The following IMPG1 variants were observed in gnomAD, a reference collection of about 807,000 sequenced individuals.
IMPG1 encodes interphotoreceptor matrix proteoglycan 1.
A neutral mutation model predicts 92.0 loss-of-function variants in IMPG1; 85 were observed. That is an observed-to-expected ratio of 0.92 (90% CI 0.78 to 1.11). IMPG1 has a LOEUF of 1.11. Among genes scored for constraint, IMPG1 ranks in the 50% least tolerant of loss-of-function variants. The pLI is 0.00. For missense variants in IMPG1, 1,022 were observed against 956.0 expected (o/e 1.07, Z -0.91); for synonymous variants, 367 against 334.1 (o/e 1.10, Z -1.08).
chr6:76,024,950 T>G (rs1783497106), intron 5 of IMPG1: 1 of 558,304 alleles, frequency 1.8e-6, no homozygotes, highest in Non-Finnish European at 3.4e-6. Context: ...AGGCAGTAAA[T>G]GTTCATGATG....
intron 15 of IMPG1, among the ~76,000 whole-genome samples, chr6:75,924,401 ATT>A (rs1781484838): frequency 8.3e-6 from 1 of 119,800 alleles, no homozygotes; most frequent in African/African-American, 3.2e-5. Context: ...TATATAAAAA[ATT>A]ATATATAATT....
chr6:76,053,673 A>G (rs3798588), intron 1 of IMPG1, among the ~76,000 whole-genome samples: 7,611 of 152,160 alleles, frequency 0.05, 293 homozygotes, highest in Admixed American at 0.092. Context: ...CAAAATTTGT[A>G]TCATCCGATT....
At chr6:76,001,674 T>G (rs1006304403) in intron 12 of IMPG1, among the ~76,000 whole-genome samples, 5 of 152,180 alleles carry the variant, frequency 3.3e-5, no homozygotes, top group Non-Finnish European at 7.3e-5. Flanking sequence ...TGAACCGTTT[T>G]GGAAATGGAT....
chr6:75,946,146 G>T (rs745954118), intron 14 of IMPG1, among the ~76,000 whole-genome samples: 1 of 152,200 alleles, frequency 6.6e-6, no homozygotes, highest in African/African-American at 2.4e-5. Context: ...CATTTAGGAG[G>T]TGTTTGATTT....
intron 13 of IMPG1, among the ~76,000 whole-genome samples, chr6:75,948,370 C>G (rs1389727355): frequency 6.9e-6 from 1 of 145,936 alleles, no homozygotes; most frequent in Admixed American, 6.7e-5. Context: ...TGAAAGTGAG[C>G]CTCCTCATTC....
intron 7 of IMPG1, among the ~76,000 whole-genome samples, chr6:76,013,277 T>C (rs1280914865): frequency 6.6e-6 from 1 of 152,054 alleles, no homozygotes; most frequent in Non-Finnish European, 1.5e-5. Flanking sequence ...CACCCCCAGG[T>C]ACCTTACCAT....
At chr6:75,995,552 T>C (rs961781650) in intron 12 of IMPG1, among the ~76,000 whole-genome samples, 1 of 152,228 alleles carries the variant, frequency 6.6e-6, no homozygotes, top group Non-Finnish European at 1.5e-5. Flanking sequence ...GTCGTTCAGA[T>C]CTCAGTTTAA....
intron 1 of IMPG1, among the ~76,000 whole-genome samples, chr6:76,064,370 CTTT>C (rs10706748): frequency 3.6e-4 from 47 of 130,422 alleles, no homozygotes; most frequent in Non-Finnish European, 3.2e-4. Flanking sequence ...ATTTTTTTTT[CTTT>C]TTTTTTTTTT....
chr6:76,025,696 A>C (rs1253374015), intron 4 of IMPG1, among the ~76,000 whole-genome samples: 1 of 152,074 alleles, frequency 6.6e-6, no homozygotes, highest in African/African-American at 2.4e-5. Flanking sequence ...TAATAAAGTA[A>C]CTCTTGTGGT....
At chr6:76,012,915 G>A (rs916316190) in intron 7 of IMPG1, among the ~76,000 whole-genome samples, 6 of 152,044 alleles carry the variant, frequency 3.9e-5, no homozygotes, top group Non-Finnish European at 5.9e-5. Context: ...TCTAGAAAGC[G>A]CAGCATCCCT....
chr6:76,016,405 G>C (rs1009050001), intron 7 of IMPG1, among the ~76,000 whole-genome samples: 1 of 152,188 alleles, frequency 6.6e-6, no homozygotes, highest in African/African-American at 2.4e-5. Flanking sequence ...TTGCCAAAAA[G>C]AATGTTCCAA....
chr6:75,980,398 A>G (rs1364646099), intron 12 of IMPG1, among the ~76,000 whole-genome samples: 1 of 152,206 alleles, frequency 6.6e-6, no homozygotes, highest in Non-Finnish European at 1.5e-5. Context: ...ACTTGACTGG[A>G]TTGAAGGATG....
intron 12 of IMPG1, 117 bp from the exon 13 acceptor site, chr6:75,951,211 A>G: frequency 1.4e-6 from 1 of 725,426 alleles, no homozygotes; most frequent in Middle Eastern, 3.9e-4. Context: ...TGCGTAGATC[A>G]TTTCAATAGT....
At chr6:76,043,688 A>T (rs1167423263) in intron 1 of IMPG1, among the ~76,000 whole-genome samples, 2 of 152,234 alleles carry the variant, frequency 1.3e-5, no homozygotes, top group African/African-American at 2.4e-5. Flanking sequence ...ATCTACTAAC[A>T]TGCTTCCAGA....
intron 2 of IMPG1, among the ~76,000 whole-genome samples, chr6:76,036,955 A>C (rs1402621342): frequency 6.6e-6 from 1 of 152,238 alleles, no homozygotes; most frequent in Non-Finnish European, 1.5e-5. Context: ...TATAGCTAAA[A>C]ATTGTTTTAG....
Position 75,947,424 on chromosome 6 carries a change from A to C in IMPG1, c.1934T>G (p.Val645Gly). Residue 645 changes from valine to glycine, a missense_variant, in exon 14 of 17, where the codon GTG becomes GGG. Physicochemically the swap from Val to Gly is moderately radical, Grantham distance 109 (BLOSUM62 -3). Transcript: ENST00000369950. ...VNSKMKFAKS[V>G]PYNLTKAVHG... ...CACAGCCTTGGTGAGGTTATACGGC[A>C]CTGACTTAGCAAACTTCATTTTGCT... is the stretch of plus-strand genomic sequence containing the variant. 1 of 1,613,912 alleles carries C rather than the reference A, an allele frequency of 6.2e-7. No individual in the cohort carries two copies. Among genetic ancestry groups the C allele is most frequent in the Non-Finnish European group, 8.5e-7 (1 of 1,179,856 alleles).
At chr6:75,956,786 C>T (rs184905592) in intron 12 of IMPG1, among the ~76,000 whole-genome samples, 2,552 of 152,274 alleles carry the variant, frequency 0.017, 27 homozygotes, top group Non-Finnish European at 0.024. Flanking sequence ...GATTCTGGTA[C>T]ATTGTGTCTT....
At chr6:76,001,135 A>G (rs192486907) in intron 12 of IMPG1, among the ~76,000 whole-genome samples, 55 of 152,358 alleles carry the variant, frequency 3.6e-4, no homozygotes, top group Non-Finnish European at 4.3e-4. Flanking sequence ...GAGTAAAAGG[A>G]ATGTATAAAT....
chr6:76,053,865 C>G (rs1201566539), intron 1 of IMPG1, among the ~76,000 whole-genome samples: 1 of 151,998 alleles, frequency 6.6e-6, no homozygotes, highest in Non-Finnish European at 1.5e-5. Context: ...AAGACAATTG[C>G]ATATATATAG....
Sources: allele counts gnomAD v4.1 joint callset (sites outside exome capture counted in the v4.1 genomes callset), GRCh38; gene constraint gnomAD v4.1.1; transcripts MANE v1.5; gene names NCBI Gene and HGNC (gene_info 2026-07-23, HGNC 2026-07-21).